The following CDK15 variants were observed in gnomAD, a reference collection of about 807,000 sequenced individuals.
The protein encoded by CDK15 is cyclin dependent kinase 15.
In CDK15, 62 loss-of-function variants were observed where a neutral mutation model predicts 60.3. The ratio of observed to expected loss-of-function variants is 1.03; its 90% confidence interval spans 0.84 to 1.27. CDK15 has a LOEUF of 1.27. Among genes scored for constraint, CDK15 ranks in the 50% most tolerant of loss-of-function variants. CDK15 has a pLI of 0.00. For missense variants in CDK15, 541 were observed against 527.8 expected, an observed-to-expected ratio of 1.03 and a Z score of -0.25; for synonymous variants, 194 against 195.7, an observed-to-expected ratio of 0.99 and a Z score of 0.07.
At chr2:201,844,065 C>T (rs952526777) in intron 8 of CDK15, among the ~76,000 whole-genome samples, 1 of 152,000 alleles carries the variant, frequency 6.6e-6, no homozygotes, top group Non-Finnish European at 1.5e-5. Flanking sequence ...TTTTTTGAAA[C>T]TTGTTTAAAA....
intron 10 of CDK15, among the ~76,000 whole-genome samples, chr2:201,870,355 T>A (rs2105814729): frequency 6.6e-6 from 1 of 152,264 alleles, no homozygotes; most frequent in South Asian, 2.1e-4. Context: ...AAATTCTTTG[T>A]TGTGATGAAC....
intron 11 of CDK15, among the ~76,000 whole-genome samples, chr2:201,875,583 CTG>C (rs1699046200): frequency 6.6e-6 from 1 of 152,138 alleles, no homozygotes; most frequent in African/African-American, 2.4e-5. Context: ...GAGTCTAGCT[CTG>C]TAAATTATGA....
chr2:201,872,307 C>T lies in CDK15; in HGVS notation c.1039C>T (p.Leu347Phe). The stretch of plus-strand genomic sequence containing the variant: ...GTTCCCACTGCCTACGCCTCGAAGC[C>T]TTCATGTTGTCTGGAACAGGTGAGT... ...EWFPLPTPRSLHVVWNRLGRV... is the reference protein window; with the variant it reads ...EWFPLPTPRSFHVVWNRLGRV... Residue 347 changes from leucine to phenylalanine, a missense_variant, in exon 11 of 14, where the codon CTT becomes TTT. By Grantham distance (22) the Leu-to-Phe change is conservative (BLOSUM62 0). Transcript: ENST00000652192. The T allele has an allele frequency of 6.2e-7, 1 of 1,614,040 alleles. No homozygotes were observed. Among genetic ancestry groups the T allele is most frequent in the East Asian group, 2.2e-5 (1 of 44,876 alleles).
intron 10 of CDK15, among the ~76,000 whole-genome samples, chr2:201,865,009 G>A (rs1188683578): frequency 2.6e-5 from 4 of 152,118 alleles, no homozygotes; most frequent in Non-Finnish European, 5.9e-5. Flanking sequence ...ACTGGGTAGA[G>A]GGAAGGGAGT....
intron 6 of CDK15, chr2:201,824,775 G>T: frequency 2.8e-6 from 2 of 713,166 alleles, no homozygotes; most frequent in South Asian, 2.5e-5. Flanking sequence ...AGCGCCTAAT[G>T]ATGTCTAAAG....
intron 6 of CDK15, among the ~76,000 whole-genome samples, 165 bp downstream of exon 6, chr2:201,823,892 A>T (rs536834303): frequency 2.5e-4 from 38 of 151,942 alleles, no homozygotes; most frequent in Non-Finnish European, 5.0e-4. Context: ...GTTTTTTTTT[A>T]AAAAGGAAAG....
At chr2:201,861,551 G>GT (rs538808229) in intron 10 of CDK15, 60,562 of 647,364 alleles carry the variant, frequency 0.094, 566 homozygotes, top group Non-Finnish European at 0.096. Context: ...TTGTTGGTTT[G>GT]TTTTTTTTTT....
intron 10 of CDK15, among the ~76,000 whole-genome samples, chr2:201,866,010 ATGTGTGTGTGTGTGTGTG>A (rs72270010): frequency 2.9e-5 from 4 of 139,736 alleles, no homozygotes; most frequent in Admixed American, 1.4e-4. Context: ...ACATGAGTGA[ATGTGTGTGTGTGTGTGTG>A]TGTGTGTGTG....
chr2:201,836,740 C>T (rs1233088475), intron 8 of CDK15, among the ~76,000 whole-genome samples: 4 of 150,836 alleles, frequency 2.7e-5, no homozygotes, highest in African/African-American at 9.8e-5. Flanking sequence ...CATGTGCATG[C>T]ACACACATCT....
intron 10 of CDK15, among the ~76,000 whole-genome samples, chr2:201,862,406 T>C (rs1274795967): frequency 2.6e-5 from 4 of 152,224 alleles, no homozygotes; most frequent in African/African-American, 7.2e-5. Flanking sequence ...ACCTGGCACA[T>C]AATAAGTAGT....
chr2:201,866,731 A>G (rs1191624701), intron 10 of CDK15, among the ~76,000 whole-genome samples: 2 of 152,208 alleles, frequency 1.3e-5, no homozygotes, highest in Non-Finnish European at 2.9e-5. Flanking sequence ...TGAAATGCCT[A>G]TCTGTTTGTG....
rs970740259 is a variant in CDK15, at chr2:201,861,256, CA to C, written c.1009+6320del. ...TCCTATGTGCCAGACACAGAACATA[CA>C]CAATTGCTAATCCTATTACTGCCTG... On this transcript the variant is annotated intron_variant, in intron 10 of 13. Coordinates refer to ENST00000652192, the MANE Select transcript of CDK15 (RefSeq NM_001366386.2). 2.6e-5 allele frequency: 26 copies of C among 1,005,926 alleles called. No homozygotes were observed. The African/African-American group carries it at 2.9e-4, about 11-fold the overall frequency. 62.3% of individuals were successfully genotyped at this position (1,005,926 alleles called of 1,614,324 possible).
rs1699304520 is a variant in CDK15, at chr2:201,882,231, G to C, written c.1198+2064G>C. On this transcript the variant is annotated intron_variant, in intron 12 of 13. Transcript: ENST00000652192. The surrounding 1 kb of genome is among the most constrained non-coding windows in gnomAD (Gnocchi z 4.0). ...TGTGTGTGTGTGAGAGAGAGACAGA[G>C]AGAACAATCTGTATTCCTTCCCTGT... Among the ~76,000 whole-genome samples, 1 of 151,872 alleles carries C rather than the reference G, an allele frequency of 6.6e-6. No homozygotes were observed. Among genetic ancestry groups the C allele is most frequent in the African/African-American group, 2.4e-5 (1 of 41,356 alleles).
At chr2:201,861,553 T>TTTTTTTTTTTC in intron 10 of CDK15, 1 of 893,060 alleles carries the variant, frequency 1.1e-6, no homozygotes, top group African/African-American at 2.6e-5. Context: ...GTTGGTTTGT[T>TTTTTTTTTTTC]TTTTTTTTTT....
At chr2:201,814,372 G>A (rs191753483) in intron 4 of CDK15, among the ~76,000 whole-genome samples, 8 of 152,304 alleles carry the variant, frequency 5.3e-5, no homozygotes, top group South Asian at 4.1e-4. Context: ...TGCTTTGCTC[G>A]TGTAATATTA....
chr2:201,880,241 A>C, intron 12 of CDK15, 74 bp downstream of exon 12: 1 of 1,545,560 alleles, frequency 6.5e-7, no homozygotes, highest in Non-Finnish European at 8.8e-7. Context: ...TTGGTGTCTT[A>C]AGTAGTTTGC....
At chr2:201,854,807 C>T in intron 9 of CDK15, 67 bp from the exon 10 acceptor site, 2 of 1,380,530 alleles carry the variant, frequency 1.4e-6, no homozygotes, top group African/African-American at 1.4e-5. Flanking sequence ...CTGCATGTCT[C>T]CATACCTCTT....
At chr2:201,835,594 C>A (rs1390070143) in intron 7 of CDK15, 49 bp from the exon 8 acceptor site, 2 of 1,472,618 alleles carry the variant, frequency 1.4e-6, no homozygotes, top group South Asian at 1.5e-5. Flanking sequence ...CATCATGGTG[C>A]AAGCCAAGGT....
intron 8 of CDK15, among the ~76,000 whole-genome samples, chr2:201,839,663 T>TAGATAGAC (rs1553525275): frequency 6.8e-6 from 1 of 146,868 alleles, no homozygotes; most frequent in Non-Finnish European, 1.5e-5. Flanking sequence ...AGAAAAGATA[T>TAGATAGAC]AGACAGACAG....
Sources: allele counts gnomAD v4.1 joint callset (sites outside exome capture counted in the v4.1 genomes callset), GRCh38; gene constraint gnomAD v4.1.1; non-coding constraint Gnocchi (gnomAD v3.1); transcripts MANE v1.5; gene names NCBI Gene and HGNC (gene_info 2026-07-23, HGNC 2026-07-21).